AK9: variants seen among roughly 807,000 people sequenced by gnomAD.
AK9 encodes the protein adenylate kinase 9.
AK9 carries 191 observed loss-of-function variants against 239.6 expected under a neutral mutation model. The ratio of observed to expected loss-of-function variants is 0.80; its 90% CI spans 0.71 to 0.90. The LOEUF (loss-of-function observed/expected upper bound fraction) is 0.90. Ranked by LOEUF, AK9 falls within the 40% of genes least tolerant of loss-of-function variation. The probability of loss-of-function intolerance (pLI) is 0.00; values close to 1 mark genes in which losing one functional copy is unlikely to be tolerated. For missense variants in AK9, 1,995 were observed against 2,214.7 expected (o/e 0.90, Z 1.99); for synonymous variants, 689 against 721.0 (o/e 0.96, Z 0.71).
Position 109,509,219 on chromosome 6 carries a change from A to G in AK9, c.4441T>C (p.Leu1481=). 3 of 1,552,180 alleles carry G rather than the reference A, an allele frequency of 1.9e-6. No homozygotes were observed. The highest frequency in any genetic ancestry group is 2.6e-6 in the Non-Finnish European group (3 of 1,147,104). The change falls in exon 33 of 41, where the codon TTA becomes CTA. Residue 1481 remains leucine (L), a synonymous_variant. Coordinates refer to ENST00000424296, the MANE Select transcript of AK9 (RefSeq NM_001145128.3). ...ACACTTTCCATCAGAGAAAGTTCTA[A>G]GGCTTGAATAGCCAGTTCATCAGGT... ...TAPDELAIQA[L]ELSLMESVCN... is the part of the protein sequence containing the mutation.
chr6:109,516,735 G>T, intron 29 of AK9, 93 bp from the exon 30 acceptor site: 1 of 1,120,332 alleles, frequency 8.9e-7, no homozygotes, highest in Non-Finnish European at 1.3e-6. Context: ...GTAATGGCTC[G>T]ATATTGGTTG....
At chr6:109,621,457 G>A (rs1233794731) in intron 12 of AK9, among the ~76,000 whole-genome samples, 1 of 24,642 alleles carries the variant, frequency 4.1e-5, no homozygotes, top group Admixed American at 4.8e-4. Context: ...GTTTATTGCG[G>A]CATTATTCAC....
At chr6:109,690,343 C>A (rs912218378) in intron 1 of AK9, 3 of 152,224 alleles carry the variant, frequency 2.0e-5, no homozygotes, top group East Asian at 3.9e-4. Flanking sequence ...AGTGGATTTA[C>A]AAAGAGACCG....
intron 27 of AK9, among the ~76,000 whole-genome samples, chr6:109,539,673 G>A (rs1240630323): frequency 6.6e-6 from 1 of 152,172 alleles, no homozygotes; most frequent in Non-Finnish European, 1.5e-5. Flanking sequence ...GAGGAGGAGA[G>A]GCGCTCTGAT....
At chr6:109,520,144 G>A (rs1384238712) in intron 29 of AK9, among the ~76,000 whole-genome samples, 1 of 152,014 alleles carries the variant, frequency 6.6e-6, no homozygotes, top group African/African-American at 2.4e-5. Context: ...GTCAATTTTT[G>A]TTTTTGGTAC....
Position 109,663,113 on chromosome 6 carries a change from A to C in AK9, c.332-450T>G, listed in dbSNP as rs558012839. Among the ~76,000 whole-genome samples, 42 of 152,282 alleles carry C rather than the reference A, an allele frequency of 2.8e-4. No individual in the cohort carries two copies. The South Asian group carries it at 8.3e-3, about 30-fold the overall frequency. On this transcript the variant is annotated intron_variant, in intron 5 of 40. Transcript: ENST00000424296. ...GTTTTTATAAGTTATGAGAGTAATA[A>C]AACACCCATGGACACACTATAATTT...
At chr6:109,514,083 C>T in intron 32 of AK9, 141 bp downstream of exon 32, 2 of 797,094 alleles carry the variant, frequency 2.5e-6, no homozygotes, top group Non-Finnish European at 3.9e-6. Flanking sequence ...AGATTTCCTC[C>T]TGTCTCCTCA....
At chr6:109,594,931 T>C (rs910987463) in intron 17 of AK9, among the ~76,000 whole-genome samples, 2 of 152,106 alleles carry the variant, frequency 1.3e-5, no homozygotes, top group African/African-American at 4.8e-5. Context: ...AGCAATACCA[T>C]TCAGGACATA....
intron 12 of AK9, chr6:109,632,110 T>C: frequency 2.1e-6 from 2 of 969,192 alleles, no homozygotes; most frequent in Non-Finnish European, 1.2e-6. Flanking sequence ...GGTGGTTACA[T>C]GGGGGTTCAT....
intron 25 of AK9, among the ~76,000 whole-genome samples, chr6:109,546,881 G>A (rs1783636564): frequency 6.6e-6 from 1 of 152,202 alleles, no homozygotes; most frequent in South Asian, 2.1e-4. Context: ...AACTAGGGCT[G>A]TCTGGTGCTC....
chr6:109,554,952 A>T (rs1784814737), intron 24 of AK9, among the ~76,000 whole-genome samples: 1 of 152,088 alleles, frequency 6.6e-6, no homozygotes, highest in Non-Finnish European at 1.5e-5. Flanking sequence ...TTAATTTTTT[A>T]AAAAACTAAC....
intron 17 of AK9, among the ~76,000 whole-genome samples, chr6:109,602,058 G>C (rs928373113): frequency 2.8e-4 from 42 of 152,276 alleles, no homozygotes; most frequent in African/African-American, 9.6e-4. Context: ...TTTAATTGGA[G>C]CATTTAGCCC....
chr6:109,609,602 C>T (rs1032221711), intron 17 of AK9, among the ~76,000 whole-genome samples: 12 of 152,154 alleles, frequency 7.9e-5, no homozygotes, highest in African/African-American at 2.9e-4. Context: ...GCCATGAGAA[C>T]CCGAGAGTCA....
rs181041044 is a variant in AK9 at position 109,548,451 on chromosome 6, C to T, written c.2964+1639G>A. ...AATCATTGATGCTTTATGAAAGTTTCGGGGACAATGCCCCAAAGAGATCAG... is the reference window on the plus strand; with the variant it reads ...AATCATTGATGCTTTATGAAAGTTTTGGGGACAATGCCCCAAAGAGATCAG... On this transcript the variant is annotated intron_variant, in intron 25 of 40. Coordinates refer to ENST00000424296, the MANE Select transcript of AK9 (RefSeq NM_001145128.3). Among the ~76,000 whole-genome samples the T allele has an allele frequency of 4.6e-3, 703 of 152,178 alleles. 21 individuals carry two copies. The highest frequency in any genetic ancestry group is 0.037 in the Admixed American group (572 of 15,286).
At position 109,672,167 on chromosome 6, in the gene AK9, GC is replaced by G; in HGVS notation, c.182-1del. The G allele has an allele frequency of 6.2e-7, 1 of 1,610,930 alleles. No homozygotes were observed. The highest frequency in any genetic ancestry group is 8.5e-7 in the Non-Finnish European group (1 of 1,178,264). ...AATCTGTTCTTCTAAAATTGGCAAAGCTAAAACATGAATTCAAAATATTAAT... is the reference window on the plus strand; with the variant it reads ...AATCTGTTCTTCTAAAATTGGCAAAGTAAAACATGAATTCAAAATATTAAT... On this transcript the variant is annotated splice_acceptor_variant, in intron 3 of 40. Transcript: ENST00000424296. LOFTEE classifies it high-confidence loss of function.
intron 1 of AK9, among the ~76,000 whole-genome samples, chr6:109,689,592 T>G (rs999232162): frequency 1.3e-5 from 2 of 152,212 alleles, no homozygotes; most frequent in Non-Finnish European, 2.9e-5. Flanking sequence ...TGCCTCCCAG[T>G]ATTCCCTAGT....
intron 17 of AK9, among the ~76,000 whole-genome samples, chr6:109,595,313 C>T (rs531616619): frequency 6.6e-6 from 1 of 152,314 alleles, no homozygotes; most frequent in South Asian, 2.1e-4. Flanking sequence ...AAGATACCAT[C>T]TCACGCCAGT....
chr6:109,571,212 C>T (rs1273662913), intron 21 of AK9, among the ~76,000 whole-genome samples: 1 of 152,050 alleles, frequency 6.6e-6, no homozygotes, highest in African/African-American at 2.4e-5. Context: ...GGGAGAAATC[C>T]AAATGGAATT....
chr6:109,521,742 T>C (rs1562347306), intron 29 of AK9, among the ~76,000 whole-genome samples: 1 of 152,072 alleles, frequency 6.6e-6, no homozygotes, highest in African/African-American at 2.4e-5. Context: ...TCAAGAAACA[T>C]GCACTATTCT....
Sources: allele counts gnomAD v4.1 joint callset (sites outside exome capture counted in the v4.1 genomes callset), GRCh38; gene constraint gnomAD v4.1.1; transcripts MANE v1.5; gene names NCBI Gene and HGNC (gene_info 2026-07-23, HGNC 2026-07-21).